NKAIN2: variants seen among roughly 807,000 people sequenced by gnomAD.
NKAIN2 encodes the protein sodium/potassium transporting ATPase interacting 2.
Under a neutral mutation model 32.6 loss-of-function variants are expected in NKAIN2, and 14 were observed. The ratio of observed to expected loss-of-function variants is 0.43; its 90% CI spans 0.28 to 0.67. The LOEUF (loss-of-function observed/expected upper bound fraction) is 0.67, where lower values mean the gene tolerates loss of function less well. Among genes scored for constraint, NKAIN2 ranks in the 30% least tolerant of loss-of-function variants. The pLI is 0.17. For synonymous variants in NKAIN2, 80 were observed against 87.2 expected (o/e 0.92, Z 0.46); for missense variants, 198 against 258.3 (o/e 0.77, Z 1.60).
intron 4 of NKAIN2, among the ~76,000 whole-genome samples, chr6:124,666,269 A>T (rs1412127845): frequency 6.6e-6 from 1 of 151,920 alleles, no homozygotes; most frequent in East Asian, 1.9e-4. Flanking sequence ...ATGTAAATAG[A>T]GAGTTTTCCC....
At chr6:124,721,212 C>T (rs550894650) in intron 4 of NKAIN2, among the ~76,000 whole-genome samples, 2 of 151,950 alleles carry the variant, frequency 1.3e-5, no homozygotes, top group South Asian at 4.2e-4. Flanking sequence ...GTCAGGAGAT[C>T]GAGACCACGG....
chr6:124,392,234 T>C (rs1345800402), intron 3 of NKAIN2, among the ~76,000 whole-genome samples: 1 of 152,140 alleles, frequency 6.6e-6, no homozygotes, highest in Non-Finnish European at 1.5e-5. Context: ...CTTAAAATGG[T>C]AGTTCACACA....
At chr6:124,216,838 C>T (rs1791505930) in intron 1 of NKAIN2, among the ~76,000 whole-genome samples, 1 of 152,094 alleles carries the variant, frequency 6.6e-6, no homozygotes, top group South Asian at 2.1e-4. Flanking sequence ...AAACCTAACC[C>T]TATATTTTCA....
intron 3 of NKAIN2, among the ~76,000 whole-genome samples, chr6:124,600,144 C>T (rs1782251992): frequency 6.6e-6 from 1 of 151,992 alleles, no homozygotes; most frequent in South Asian, 2.1e-4. Flanking sequence ...TGACTGCACA[C>T]CATCACTACA....
chr6:124,245,337 T>C (rs1435634952), intron 1 of NKAIN2, among the ~76,000 whole-genome samples: 1 of 152,112 alleles, frequency 6.6e-6, no homozygotes, highest in Admixed American at 6.6e-5. Context: ...AGAATCCTAC[T>C]CTGGGAGAAA....
At chr6:124,418,394 G>A (rs899084906) in intron 3 of NKAIN2, among the ~76,000 whole-genome samples, 3 of 151,464 alleles carry the variant, frequency 2.0e-5, no homozygotes, top group African/African-American at 7.3e-5. Context: ...TGCAGCATTG[G>A]ACTCTGAAGA....
chr6:124,169,268 A>T (rs2114491757), intron 1 of NKAIN2, among the ~76,000 whole-genome samples: 1 of 152,310 alleles, frequency 6.6e-6, no homozygotes, highest in Admixed American at 6.5e-5. Flanking sequence ...TCTTAGATCT[A>T]AATAATATTC....
intron 1 of NKAIN2, among the ~76,000 whole-genome samples, chr6:123,983,147 A>C (rs1473034855): frequency 1.3e-5 from 2 of 152,208 alleles, no homozygotes; most frequent in Non-Finnish European, 2.9e-5. Context: ...GGAAAGGAGC[A>C]GTTTTGCAGC....
At chr6:124,275,064 A>G (rs530864118) in intron 1 of NKAIN2, among the ~76,000 whole-genome samples, 31 of 152,228 alleles carry the variant, frequency 2.0e-4, no homozygotes, top group African/African-American at 7.5e-4. Flanking sequence ...TAAACCTCAT[A>G]TAATATGCTA....
intron 3 of NKAIN2, among the ~76,000 whole-genome samples, chr6:124,642,102 T>A (rs1159752685): frequency 6.6e-6 from 1 of 152,140 alleles, no homozygotes. Context: ...GGAGTATATA[T>A]CTGATCGCCC....
intron 1 of NKAIN2, among the ~76,000 whole-genome samples, chr6:124,201,368 A>T (rs1790578713): frequency 6.6e-6 from 1 of 152,068 alleles, no homozygotes; most frequent in African/African-American, 2.4e-5. Context: ...TAAGAATGAA[A>T]GTTTTAAAGG....
At chr6:124,174,077 T>A (rs924973788) in intron 1 of NKAIN2, among the ~76,000 whole-genome samples, 4 of 152,168 alleles carry the variant, frequency 2.6e-5, no homozygotes, top group African/African-American at 9.7e-5. Context: ...AAATCTGATA[T>A]CATTGCAGTC....
At chr6:124,018,349 C>T (rs935514483) in intron 1 of NKAIN2, among the ~76,000 whole-genome samples, 41 of 152,196 alleles carry the variant, frequency 2.7e-4, no homozygotes, top group Non-Finnish European at 1.3e-4. Context: ...GCTCTGGAGA[C>T]ATTTTCCCCA....
chr6:123,843,300 C>T (rs950596279), intron 1 of NKAIN2, among the ~76,000 whole-genome samples: 2 of 152,124 alleles, frequency 1.3e-5, no homozygotes, highest in Non-Finnish European at 2.9e-5. Flanking sequence ...TGAGCAATGG[C>T]AGTGACTCTT....
chr6:124,432,937 TC>T (rs927753756), intron 3 of NKAIN2, among the ~76,000 whole-genome samples: 2 of 150,658 alleles, frequency 1.3e-5, no homozygotes, highest in Non-Finnish European at 1.5e-5. Context: ...CCTGCTTGGC[TC>T]CCCCCGACAC....
chr6:124,195,060 T>C (rs1449952658), intron 1 of NKAIN2, among the ~76,000 whole-genome samples: 2 of 151,562 alleles, frequency 1.3e-5, no homozygotes, highest in East Asian at 1.9e-4. Context: ...TTTTTTGTGT[T>C]CTATTCTGAA....
chr6:124,505,217 T>C (rs1211049933), intron 3 of NKAIN2, among the ~76,000 whole-genome samples: 1 of 152,218 alleles, frequency 6.6e-6, no homozygotes, highest in Non-Finnish European at 1.5e-5. Context: ...AGGTGTGAGA[T>C]GGAACAAATG....
At chr6:123,887,156 A>G (rs1006268969) in intron 1 of NKAIN2, among the ~76,000 whole-genome samples, 1 of 150,720 alleles carries the variant, frequency 6.6e-6, no homozygotes, top group Admixed American at 6.7e-5. Flanking sequence ...AACTAATGAC[A>G]TTAACTATTT....
In NKAIN2 at chr6:124,712,527, G is replaced by GT. The variant is rs1554255861; in HGVS notation, c.474+54147dup. The stretch of plus-strand genomic sequence containing the variant: ...GCAGGATATAATCTGGTGGTGTGCC[G>GT]TTTTTTAAGCCCGTCGGAAAAGCGC... On this transcript the variant is annotated intron_variant, in intron 4 of 6. Transcript: ENST00000368417. 3.1e-4 allele frequency among the ~76,000 whole-genome samples: 36 copies of GT among 115,500 alleles called. 9 individuals are homozygous for GT. Among genetic ancestry groups the GT allele is most frequent in the Non-Finnish European group, 1.8e-5 (1 of 54,552 alleles). 75.8% of individuals were successfully genotyped at this position (115,500 alleles called of 152,430 possible).
Sources: gnomAD v4.1 joint callset for allele counts (sites outside exome capture counted in the v4.1 genomes callset) on GRCh38, gnomAD v4.1.1 for gene constraint, MANE v1.5 for transcripts, NCBI Gene and HGNC (gene_info 2026-07-23, HGNC 2026-07-21) for gene names.